Variants in CHD9 observed in about 807,000 individuals in gnomAD.
The protein encoded by CHD9 is ATP-dependent chromatin remodeler CHD9.
A neutral mutation model predicts 316.1 loss-of-function variants in CHD9; 77 were observed. The ratio of observed to expected loss-of-function variants is 0.24; its 90% CI spans 0.20 to 0.29. The LOEUF is 0.29. CHD9 is among the 10% of genes least tolerant of loss of function. CHD9 has a pLI of 1.00. For synonymous variants in CHD9, 1,129 were observed against 1,158.3 expected (o/e 0.97, Z 0.51); for missense variants, 2,763 against 3,438.1 (o/e 0.80, Z 4.91).
rs370090310 is a variant in CHD9, at chr16:53,306,201, G to C, written c.6620-36G>C. The stretch of plus-strand genomic sequence containing the variant: ...CTTATATATAAAACTATTTTATGTA[G>C]TCTTTTTAAAAAATGATTATAATTG... On this transcript the variant is annotated intron_variant, in intron 31 of 38. Coordinates refer to ENST00000447540, the MANE Select transcript of CHD9 (RefSeq NM_001308319.2). 555 of 1,288,976 alleles carry C rather than the reference G, an allele frequency of 4.3e-4. 6 individuals carry two copies. In the South Asian group the frequency reaches 0.011, roughly 25 times the overall value. 79.8% of individuals were successfully genotyped at this position (1,288,976 alleles called of 1,614,324 possible).
chr16:53,271,259 A>G (rs1217923650), intron 22 of CHD9, among the ~76,000 whole-genome samples: 1 of 152,122 alleles, frequency 6.6e-6, no homozygotes, highest in Non-Finnish European at 1.5e-5. Context: ...AAAGTCTCTA[A>G]CATGAAAGAG....
intron 30 of CHD9, among the ~76,000 whole-genome samples, chr16:53,300,751 T>TGC (rs1353177952): frequency 6.6e-6 from 1 of 152,264 alleles, no homozygotes; most frequent in Non-Finnish European, 1.5e-5. Flanking sequence ...CATAAACCAG[T>TGC]GCAGGCACAG....
At chr16:53,291,171 G>C (rs1013984276) in intron 27 of CHD9, among the ~76,000 whole-genome samples, 1 of 152,154 alleles carries the variant, frequency 6.6e-6, no homozygotes, top group African/African-American at 2.4e-5. Context: ...CTAACTTCAG[G>C]CTTTTTTAAA....
chr16:53,235,246 A>G lies in CHD9; in HGVS notation c.2573A>G (p.Asn858Ser), dbSNP rs779862877. Residue 858 changes from asparagine to serine, a missense_variant, in exon 11 of 39, where the codon AAT (asparagine) becomes AGT (serine). Physicochemically the swap from Asn to Ser is conservative, Grantham distance 46 (BLOSUM62 1). Transcript: ENST00000447540. The stretch of plus-strand genomic sequence containing the variant: ...CAATCCAGGGACTATAAAAATGGCA[A>G]TCAACTCAGGGAATATCAACTGGAA... ...IDQSRDYKNG[N>S]QLREYQLEGL... 30 of 1,549,362 alleles carry G rather than the reference A, an allele frequency of 1.9e-5. No homozygotes were observed. The highest frequency in any genetic ancestry group is 7.8e-5 in the Admixed American group (4 of 51,072).
Position 53,228,987 on chromosome 16 carries a change from T to C in CHD9, c.2173T>C (p.Tyr725His). ...EFFVKYKNYS[Y>H]LHCEWATEEQ... ...TTATTTTTATAAAAATTTTAGCTCCTATCTTCACTGTGAGTGGGCCACAGA... is the reference window on the plus strand; with the variant it reads ...TTATTTTTATAAAAATTTTAGCTCCCATCTTCACTGTGAGTGGGCCACAGA... The change falls in exon 8 of 39, where the codon TAT becomes CAT. Residue 725 changes from tyrosine (Y) to histidine (H), a missense_variant. By Grantham distance (83) the Tyr-to-His change is moderately conservative. This residue lies in a region of CHD9 where 859 missense variants were observed against 890.4 expected (regional missense o/e 0.96). Transcript: ENST00000447540. 6.6e-7 allele frequency: 1 copy of C among 1,515,914 alleles called. No individual in the cohort carries two copies. Among genetic ancestry groups the C allele is most frequent in the Non-Finnish European group, 8.9e-7 (1 of 1,122,682 alleles). The allele number at this position is 1,515,914 out of a possible 1,614,324, so 93.9% of individuals were successfully genotyped here.
intron 1 of CHD9, among the ~76,000 whole-genome samples, chr16:53,126,786 C>G (rs1373868597): frequency 6.6e-6 from 1 of 152,102 alleles, no homozygotes; most frequent in Non-Finnish European, 1.5e-5. Flanking sequence ...TCAAGCAATT[C>G]TCTTTCCTCA....
intron 11 of CHD9, among the ~76,000 whole-genome samples, chr16:53,236,809 C>G (rs906461840): frequency 6.6e-6 from 1 of 152,086 alleles, no homozygotes; most frequent in Admixed American, 6.6e-5. Flanking sequence ...GTGTGACTCT[C>G]TCCTAGCTCT....
chr16:53,247,018 A>G (rs949868647), intron 15 of CHD9, among the ~76,000 whole-genome samples: 2 of 152,246 alleles, frequency 1.3e-5, no homozygotes, highest in African/African-American at 4.8e-5. Context: ...TTCATTAAAC[A>G]TTTGGCAAAC....
At chr16:53,069,857 T>G (rs1241383754) in intron 1 of CHD9, among the ~76,000 whole-genome samples, 2 of 152,214 alleles carry the variant, frequency 1.3e-5, no homozygotes, top group Non-Finnish European at 2.9e-5. Context: ...CCACCAACAA[T>G]GCACCAAGGT....
At chr16:53,130,049 C>A (rs760265785) in intron 1 of CHD9, among the ~76,000 whole-genome samples, 1 of 152,174 alleles carries the variant, frequency 6.6e-6, no homozygotes, top group Non-Finnish European at 1.5e-5. Flanking sequence ...TAAATTCTTG[C>A]GTTTATTTTT....
chr16:53,061,129 G>A (rs2152496925), intron 1 of CHD9, among the ~76,000 whole-genome samples: 1 of 152,172 alleles, frequency 6.6e-6, no homozygotes, highest in African/African-American at 2.4e-5. Flanking sequence ...GTTTCGCCAT[G>A]TTGGCCAGGC....
intron 4 of CHD9, among the ~76,000 whole-genome samples, chr16:53,223,205 A>G (rs1459358107): frequency 6.6e-6 from 1 of 151,056 alleles, no homozygotes; most frequent in Non-Finnish European, 1.5e-5. Context: ...AACTGACTAT[A>G]TTAAAAATCC....
Position 53,267,491 on chromosome 16 carries a change from G to A in CHD9, c.4517+1G>A. The A allele has an allele frequency of 1.3e-6, 2 of 1,579,514 alleles. No individual in the cohort carries two copies. Among genetic ancestry groups the A allele is most frequent in the Non-Finnish European group, 1.7e-6 (2 of 1,163,088 alleles). ...TTGAGAAAAACCTGCTAGTTTATGGGTAAAACATTGTTTTTAATGTTTGCT... is the reference window on the plus strand; with the variant it reads ...TTGAGAAAAACCTGCTAGTTTATGGATAAAACATTGTTTTTAATGTTTGCT... On this transcript the variant is annotated splice_donor_variant, in intron 21 of 38. Transcript: ENST00000447540. LOFTEE classifies it high-confidence loss of function.
At position 53,105,908 on chromosome 16, in the gene CHD9, C is replaced by T. The variant is rs184722005; in HGVS notation, c.-164-50018C>T. Among the ~76,000 whole-genome samples, 153 of 151,904 alleles carry T rather than the reference C, an allele frequency of 1.0e-3. 1 individual carries two copies. Among genetic ancestry groups the T allele is most frequent in the Non-Finnish European group, 2.0e-3 (137 of 67,960 alleles). ...GCGCGGTCTTGGTCACTACAGCCTCCGCGTCCTGGGTTCAAGCAATTCTCC... is the reference window on the plus strand; with the variant it reads ...GCGCGGTCTTGGTCACTACAGCCTCTGCGTCCTGGGTTCAAGCAATTCTCC... On this transcript the variant is annotated intron_variant, in intron 1 of 38. Transcript: ENST00000447540.
intron 1 of CHD9, among the ~76,000 whole-genome samples, chr16:53,133,529 C>T (rs1567356085): frequency 6.6e-6 from 1 of 152,142 alleles, no homozygotes; most frequent in Non-Finnish European, 1.5e-5. Flanking sequence ...GGGACTTTGT[C>T]ACTTAACTGT....
At chr16:53,132,923 C>T (rs2039437523) in intron 1 of CHD9, among the ~76,000 whole-genome samples, 1 of 151,672 alleles carries the variant, frequency 6.6e-6, no homozygotes, top group Non-Finnish European at 1.5e-5. Flanking sequence ...GTTCTCCAAC[C>T]TCAGCCTCCC....
intron 1 of CHD9, among the ~76,000 whole-genome samples, chr16:53,092,779 T>TATTC (rs2036059756): frequency 6.6e-6 from 1 of 152,072 alleles, no homozygotes; most frequent in African/African-American, 2.4e-5. Flanking sequence ...ATTATTTATT[T>TATTC]ATTTATTTAT....
At chr16:53,099,986 A>C (rs1004449348) in intron 1 of CHD9, among the ~76,000 whole-genome samples, 2 of 152,132 alleles carry the variant, frequency 1.3e-5, no homozygotes, top group African/African-American at 2.4e-5. Flanking sequence ...GCTGACAGCC[A>C]CTGGCGGCCG....
rs527879239 is a variant in CHD9 at position 53,228,947 on chromosome 16, T to C, written c.2169-36T>C. On this transcript the variant is annotated intron_variant, in intron 7 of 38. Transcript: ENST00000447540. ...AAATACATCTTAAAATGGTTATCTG[T>C]GTCATTCTAATATATTATTTTTATA... The C allele has an allele frequency of 4.2e-6, 4 of 944,402 alleles. No homozygotes were observed. The South Asian group carries it at 7.3e-5, about 17-fold the overall frequency. The allele number at this position is 944,402 out of a possible 1,614,324, so 58.5% of individuals were successfully genotyped here.
Sources: allele counts gnomAD v4.1 joint callset (sites outside exome capture counted in the v4.1 genomes callset), GRCh38; gene constraint gnomAD v4.1.1; regional missense constraint gnomAD v4.1.1; transcripts MANE v1.5; gene names NCBI Gene and HGNC (gene_info 2026-07-23, HGNC 2026-07-21).